DNAH14: variants seen among roughly 807,000 people sequenced by gnomAD.
The protein encoded by DNAH14 is dynein axonemal heavy chain 14, also known as axonemal beta dynein heavy chain 14.
Under a neutral mutation model 520.9 loss-of-function variants are expected in DNAH14, and 478 were observed. That is an observed-to-expected ratio of 0.92 (90% confidence interval 0.85 to 0.99). The LOEUF is 0.99. Among genes scored for constraint, DNAH14 ranks in the 50% least tolerant of loss-of-function variants. The pLI, the probability that DNAH14 is intolerant of heterozygous loss-of-function variation, is 0.00. For synonymous variants in DNAH14, 1,581 were observed against 1,757.2 expected (o/e 0.90, Z 2.51); for missense variants, 4,831 against 5,234.5 (o/e 0.92, Z 2.38).
At chr1:225,161,293 T>A (rs1310043333) in intron 35 of DNAH14, among the ~76,000 whole-genome samples, 2 of 152,204 alleles carry the variant, frequency 1.3e-5, no homozygotes, top group Non-Finnish European at 2.9e-5. Context: ...TGTGCCTGGC[T>A]TATTTCACTT....
At position 225,155,650 on chromosome 1, in the gene DNAH14, A is replaced by G. The variant is rs533639322; in HGVS notation, c.5273+1824A>G. ...TACTGCTCTCCATTCAAAGCACTTG[A>G]TTTTCTTCAAATGACAGGAAATCTA... On this transcript the variant is annotated intron_variant, in intron 34 of 85. Transcript: ENST00000682510. Among the ~76,000 whole-genome samples the G allele has an allele frequency of 7.2e-5, 11 of 152,220 alleles. No individual in the cohort carries two copies. In the South Asian group the frequency reaches 1.9e-3, roughly 26 times the overall value.
At position 225,002,928 on chromosome 1, in the gene DNAH14, G is replaced by A. The variant is rs1279044391; in HGVS notation, c.975+1G>A. On this transcript the variant is annotated splice_donor_variant, in intron 9 of 85. Transcript: ENST00000682510. LOFTEE classifies it high-confidence loss of function. ...TCTATCTGCCATATGCCTTGTAAAGGTGAGTAGAAGTATACTACTATAAGC... is the reference window on the plus strand; with the variant it reads ...TCTATCTGCCATATGCCTTGTAAAGATGAGTAGAAGTATACTACTATAAGC... 9.7e-6 allele frequency: 15 copies of A among 1,541,780 alleles called. No individual in the cohort carries two copies. Among genetic ancestry groups the A allele is most frequent in the Non-Finnish European group, 1.3e-5 (15 of 1,142,680 alleles).
intron 28 of DNAH14, among the ~76,000 whole-genome samples, chr1:225,141,318 ACTGTT>A (rs1386101601): frequency 1.3e-5 from 2 of 151,860 alleles, no homozygotes; most frequent in African/African-American, 2.4e-5. Flanking sequence ...GTATTTTTCT[ACTGTT>A]CTGTTTTATT....
intron 34 of DNAH14, among the ~76,000 whole-genome samples, chr1:225,155,012 T>G (rs2080887616): frequency 1.3e-5 from 2 of 151,934 alleles, no homozygotes; most frequent in South Asian, 4.1e-4. Flanking sequence ...AATATGAAAG[T>G]GCCTTAAATA....
intron 60 of DNAH14, among the ~76,000 whole-genome samples, chr1:225,317,564 G>C (rs2094489075): frequency 2.0e-5 from 3 of 151,890 alleles, no homozygotes. Flanking sequence ...AATGCAGTAA[G>C]TATTTCTTTA....
intron 69 of DNAH14, 49 bp from the exon 70 acceptor site, chr1:225,345,913 T>C (rs567743441): frequency 6.9e-7 from 1 of 1,449,712 alleles, no homozygotes; most frequent in African/African-American, 1.4e-5. Flanking sequence ...AAATAGCCAT[T>C]TACTGTTACA....
chr1:225,213,630 G>A (rs903925163), intron 41 of DNAH14, among the ~76,000 whole-genome samples: 2 of 152,108 alleles, frequency 1.3e-5, no homozygotes, highest in African/African-American at 4.8e-5. Flanking sequence ...CACATCCCTT[G>A]TAAGTTGGAT....
rs567834071 is a variant in DNAH14 at position 225,207,238 on chromosome 1, A to C, written c.6439+18A>C. On this transcript the variant is annotated intron_variant, in intron 41 of 85. Coordinates refer to ENST00000682510, the MANE Select transcript of DNAH14 (RefSeq NM_001367479.1). The stretch of plus-strand genomic sequence containing the variant: ...TGAACAAAGTGAGTTTTTTTCTCTA[A>C]GTCATATCAATGATATATCTTAGCT... The C allele has an allele frequency of 3.4e-6, 5 of 1,491,520 alleles. No individual in the cohort carries two copies. The highest frequency in any genetic ancestry group is 3.6e-6 in the Non-Finnish European group (4 of 1,118,850). 92.4% of individuals were successfully genotyped at this position (1,491,520 alleles called of 1,614,324 possible). A position where few individuals can be genotyped will look rare whatever the true frequency, so the allele number is the denominator to read the frequency against.
At chr1:224,936,708 A>G (rs528957974) in intron 1 of DNAH14, among the ~76,000 whole-genome samples, 3 of 152,018 alleles carry the variant, frequency 2.0e-5, no homozygotes, top group Admixed American at 2.0e-4. Flanking sequence ...AGTACTTCCA[A>G]CCTCATCCTA....
Position 225,374,899 on chromosome 1 carries a change from C to A in DNAH14, c.12516+14C>A, listed in dbSNP as rs2095677031. On this transcript the variant is annotated intron_variant, in intron 78 of 85. Coordinates refer to ENST00000682510, the MANE Select transcript of DNAH14 (RefSeq NM_001367479.1). The stretch of plus-strand genomic sequence containing the variant: ...TCCAGTGATGGGGTAGGAAAAGAAT[C>A]AATCTTCTTGCATTTCTCGATAATT... 1.3e-6 allele frequency: 2 copies of A among 1,522,354 alleles called. No homozygotes were observed. The highest frequency in any genetic ancestry group is 1.2e-5 in the South Asian group (1 of 80,808). The allele number at this position is 1,522,354 out of a possible 1,614,324, so 94.3% of individuals were successfully genotyped here.
intron 15 of DNAH14, among the ~76,000 whole-genome samples, chr1:225,049,467 A>G (rs1176193080): frequency 1.3e-5 from 2 of 152,136 alleles, no homozygotes; most frequent in African/African-American, 2.4e-5. Flanking sequence ...ACTTGCAAAC[A>G]ATCTTTGTGA....
chr1:225,151,751 A>G (rs2080520281), intron 31 of DNAH14: 2 of 615,822 alleles, frequency 3.2e-6, no homozygotes, highest in South Asian at 2.0e-5. Context: ...TCAGCTAGGT[A>G]TCTTCCAGCC....
At chr1:225,359,423 T>C (rs1575009318) in intron 74 of DNAH14, among the ~76,000 whole-genome samples, 1 of 151,250 alleles carries the variant, frequency 6.6e-6, no homozygotes, top group African/African-American at 2.4e-5. Context: ...TCTCCAGCCC[T>C]TGTATTCCTC....
intron 8 of DNAH14, among the ~76,000 whole-genome samples, chr1:224,981,901 C>T (rs1002883804): frequency 6.6e-6 from 1 of 152,092 alleles, no homozygotes. Flanking sequence ...AGGGAATAGT[C>T]ACAAACCTTT....
chr1:224,952,677 CT>C lies in DNAH14; in HGVS notation c.-23del. The C allele has an allele frequency of 6.6e-7, 1 of 1,524,420 alleles. No individual in the cohort carries two copies. The allele number at this position is 1,524,420 out of a possible 1,614,324, so 94.4% of individuals were successfully genotyped here. ...ATGTGAATTTTGTTACAGCCAGTTCCTTTATAGTTTTGTTCAGAAAAACATA... is the reference window on the plus strand; with the variant it reads ...ATGTGAATTTTGTTACAGCCAGTTCCTTATAGTTTTGTTCAGAAAAACATA... On this transcript the variant is annotated 5_prime_UTR_variant, in exon 2 of 86. Transcript: ENST00000682510.
At position 224,929,701 on chromosome 1, in the gene DNAH14, C is replaced by A. The variant is rs913400180; in HGVS notation, c.-168C>A. The A allele has an allele frequency of 7.1e-6, 5 of 702,314 alleles. No individual in the cohort carries two copies. In the Admixed American group the frequency reaches 1.0e-4, roughly 14 times the overall value. The allele number at this position is 702,314 out of a possible 1,614,324, so 43.5% of individuals were successfully genotyped here. A position where few individuals can be genotyped will look rare whatever the true frequency, so the allele number is the denominator to read the frequency against. ...TCAGGCGGTTACGGCCAGGAGGCGT[C>A]GGAGCCTGGCGTGGTAGGGCTGTGC... On this transcript the variant is annotated 5_prime_UTR_variant, in exon 1 of 86. Transcript: ENST00000682510.
At chr1:225,327,002 G>T (rs12074078) in intron 64 of DNAH14, among the ~76,000 whole-genome samples, 6,395 of 152,076 alleles carry the variant, frequency 0.042, 182 homozygotes, top group South Asian at 0.079. Context: ...ACTCCACCCC[G>T]CAACAACACA....
intron 37 of DNAH14, among the ~76,000 whole-genome samples, chr1:225,191,356 G>A (rs577584534): frequency 5.3e-5 from 8 of 152,066 alleles, no homozygotes; most frequent in East Asian, 1.9e-4. Flanking sequence ...ATTCTTGGTT[G>A]ACAGTTTTGG....
chr1:225,197,021 C>T (rs944689024), intron 38 of DNAH14, among the ~76,000 whole-genome samples: 1 of 148,978 alleles, frequency 6.7e-6, no homozygotes, highest in African/African-American at 2.5e-5. Context: ...CTGACTGTAC[C>T]TTTTGCTGTG....
Sources: allele counts gnomAD v4.1 joint callset (sites outside exome capture counted in the v4.1 genomes callset), GRCh38; gene constraint gnomAD v4.1.1; transcripts MANE v1.5; gene names NCBI Gene and HGNC (gene_info 2026-07-23, HGNC 2026-07-21).